SELENOS: variants seen among roughly 807,000 people sequenced by gnomAD.
SELENOS encodes VCP interacting membrane selenoprotein.
In SELENOS, 37 loss-of-function variants were observed where a neutral mutation model predicts 30.2. That is an observed-to-expected ratio of 1.23 (90% CI 0.94 to 1.61). SELENOS has a LOEUF of 1.61. SELENOS is among the 40% of genes most tolerant of loss of function. SELENOS has a pLI of 0.00. For synonymous variants in SELENOS, 119 were observed against 91.6 expected, an observed-to-expected ratio of 1.30 and a Z score of -1.71; for missense variants, 289 against 231.8, an observed-to-expected ratio of 1.25 and a Z score of -1.60.
chr15:101,277,389 G>A lies in SELENOS; in HGVS notation c.29C>T (p.Ala10Val), dbSNP rs776838174. Residue 10 changes from alanine to valine, a missense_variant, in exon 1 of 6, where the codon GCG becomes GTG. Transcript: ENST00000526049. Reference protein sequence around the residue: MERQEESLSARPALETEGLR... With the variant: MERQEESLSVRPALETEGLR... Reference sequence around the variant, plus strand: ...CCCCTCGGTCTCCAGGGCCGGCCGCGCGGACAGAGACTCCTCTTGGCGTTC... The same window carrying A: ...CCCCTCGGTCTCCAGGGCCGGCCGCACGGACAGAGACTCCTCTTGGCGTTC... The A allele has an allele frequency of 1.7e-5, 26 of 1,505,096 alleles. 1 individual carries two copies. In the South Asian group the frequency reaches 1.7e-4, roughly 10 times the overall value. 93.2% of individuals were successfully genotyped at this position (1,505,096 alleles called of 1,614,324 possible).
At chr15:101,276,983 G>A (rs2039335188) in intron 1 of SELENOS, 1 of 531,958 alleles carries the variant, frequency 1.9e-6, no homozygotes, top group African/African-American at 1.9e-5. Context: ...GCCTTTCAGA[G>A]CCACATAGAA....
intron 5 of SELENOS, chr15:101,274,036 C>T (rs772322876): frequency 1.4e-5 from 4 of 276,026 alleles, no homozygotes; most frequent in Non-Finnish European, 2.8e-5. Flanking sequence ...GTGCTGCACA[C>T]AGGAAGCAGC....
intron 2 of SELENOS, among the ~76,000 whole-genome samples, chr15:101,275,831 A>G (rs540732005): frequency 6.6e-6 from 1 of 152,044 alleles, no homozygotes; most frequent in East Asian, 1.9e-4. Context: ...TCCAAATAGC[A>G]TTATGAATAG....
intron 1 of SELENOS, 66 bp from the exon 2 acceptor site, chr15:101,276,741 C>T (rs1567120297): frequency 1.3e-6 from 2 of 1,549,438 alleles, no homozygotes; most frequent in Non-Finnish European, 1.7e-6. Context: ...CCATAAGACT[C>T]AACAAACACA....
At chr15:101,276,823 A>G in intron 1 of SELENOS, 148 bp from the exon 2 acceptor site, 1 of 892,794 alleles carries the variant, frequency 1.1e-6, no homozygotes, top group Non-Finnish European at 1.7e-6. Context: ...GATCGTTAAA[A>G]CACGAACTCA....
intron 5 of SELENOS, among the ~76,000 whole-genome samples, chr15:101,273,272 G>C (rs1296095452): frequency 6.6e-6 from 1 of 152,132 alleles, no homozygotes; most frequent in Non-Finnish European, 1.5e-5. Flanking sequence ...CTACCAGTCA[G>C]AACGGGGTCT....
At chr15:101,273,332 A>G (rs2039290325) in intron 5 of SELENOS, among the ~76,000 whole-genome samples, 1 of 152,060 alleles carries the variant, frequency 6.6e-6, no homozygotes, top group South Asian at 2.1e-4. Context: ...TGAGCTTCCC[A>G]AAGTCAGTGC....
chr15:101,271,040 G>C (rs187723049), downstream of SELENOS: 1 of 152,108 alleles, frequency 6.6e-6, no homozygotes, highest in South Asian at 2.1e-4. Flanking sequence ...ACTTTTTGTC[G>C]TTTATTTCTA....
rs1423565990 is a variant in SELENOS, at chr15:101,276,593, G to C, written c.159C>G (p.Ala53=). The change falls in exon 2 of 6, where the codon GCC becomes GCG. Residue 53 remains alanine, a synonymous_variant. Coordinates refer to ENST00000526049, the MANE Select transcript of SELENOS (RefSeq NM_018445.6). Reference sequence around the variant, plus strand: ...GCCTCTGCCTCAAGGCTCTTAGCCGGGCGGAAAGCTTCTGAAAGACCACGT... The same window carrying C: ...GCCTCTGCCTCAAGGCTCTTAGCCGCGCGGAAAGCTTCTGAAAGACCACGT... The part of the protein sequence containing the change: ...LLYVVFQKLS[A]RLRALRQRQL... The C allele has an allele frequency of 6.2e-7, 1 of 1,613,764 alleles. No homozygotes were observed. Among genetic ancestry groups the C allele is most frequent in the African/African-American group, 1.3e-5 (1 of 74,910 alleles).
At chr15:101,276,363 C>G in intron 2 of SELENOS, 178 bp downstream of exon 2, 1 of 750,494 alleles carries the variant, frequency 1.3e-6, no homozygotes, top group East Asian at 3.2e-5. Flanking sequence ...ATTATCCCGC[C>G]TCAGCCTCCT....
Position 101,277,410 on chromosome 15 carries a change from C to T in SELENOS, c.8G>A (p.Arg3His). ME[R>H]QEESLSARPA... is the part of the protein sequence containing the mutation. ...CCGCGCGGACAGAGACTCCTCTTGG[C>T]GTTCCATGACCGCCGCCGCCGCCGC... The change falls in exon 1 of 6, where the codon CGC becomes CAC. Residue 3 changes from arginine to histidine, a missense_variant. Coordinates refer to ENST00000526049, the MANE Select transcript of SELENOS (RefSeq NM_018445.6). 1.4e-6 allele frequency: 2 copies of T among 1,478,562 alleles called. No individual in the cohort carries two copies. Among genetic ancestry groups the T allele is most frequent in the Non-Finnish European group, 1.8e-6 (2 of 1,122,550 alleles). 91.6% of individuals were successfully genotyped at this position (1,478,562 alleles called of 1,614,324 possible).
downstream of SELENOS, chr15:101,272,121 G>A (rs962998016): frequency 1.3e-5 from 2 of 152,144 alleles, no homozygotes; most frequent in African/African-American, 2.4e-5. Context: ...TCAAAATCAC[G>A]GCAGCTGTCT....
chr15:101,273,183 A>G (rs2039288869), intron 5 of SELENOS, among the ~76,000 whole-genome samples: 1 of 152,146 alleles, frequency 6.6e-6, no homozygotes, highest in African/African-American at 2.4e-5. Context: ...AGTGCTTACT[A>G]AAACTCATAC....
rs2039280820 is a variant in SELENOS, at chr15:101,272,702, G to T, written c.*69C>A. The T allele has an allele frequency of 2.0e-6, 3 of 1,489,894 alleles. No homozygotes were observed. The highest frequency in any genetic ancestry group is 2.8e-6 in the Non-Finnish European group (3 of 1,090,346). 92.3% of individuals were successfully genotyped at this position (1,489,894 alleles called of 1,614,324 possible). On this transcript the variant is annotated 3_prime_UTR_variant, in exon 6 of 6. Transcript: ENST00000526049. ...CTTGGCTAGTCACTGTGAAAAGCGTGCGTAAGGCAATTGAATCGAGGGTTA... is the reference window on the plus strand; with the variant it reads ...CTTGGCTAGTCACTGTGAAAAGCGTTCGTAAGGCAATTGAATCGAGGGTTA...
chr15:101,274,237 C>A (rs2039298487), intron 5 of SELENOS, 183 bp downstream of exon 5: 1 of 682,010 alleles, frequency 1.5e-6, no homozygotes, highest in East Asian at 2.7e-5. Flanking sequence ...TAAGTACAAT[C>A]CTTCTAAGTA....
At chr15:101,274,833 T>C in intron 3 of SELENOS, 152 bp from the exon 4 acceptor site, 1 of 840,278 alleles carries the variant, frequency 1.2e-6, no homozygotes, top group Non-Finnish European at 1.8e-6. Context: ...GATCTGGTAG[T>C]GTGAGTTTAA....
chr15:101,275,325 G>A lies in SELENOS; in HGVS notation c.248C>T (p.Ala83Val), dbSNP rs918388868. ...DVVVKRQEAL[A>V]AARLKMQEEL... The stretch of plus-strand genomic sequence containing the variant: ...TTCTTGCATTTTCAGTCGAGCAGCT[G>A]CTAAAGCTTCTTGTCGTTTAACAAC... The change falls in exon 3 of 6, where the codon GCA (alanine) becomes GTA (valine). Residue 83 changes from alanine to valine, a missense_variant. Physicochemically the swap from Ala to Val is moderately conservative, Grantham distance 64. Transcript: ENST00000526049. The A allele has an allele frequency of 3.2e-6, 5 of 1,581,354 alleles. No homozygotes were observed. In the East Asian group the frequency reaches 9.0e-5, roughly 29 times the overall value.
rs1240587315 is a variant in SELENOS at position 101,272,823 on chromosome 15, G to A, written c.518C>T (p.Ala173Val). 4 of 1,610,300 alleles carry A rather than the reference G, an allele frequency of 2.5e-6. No individual in the cohort carries two copies. The highest frequency in any genetic ancestry group is 2.2e-5 in the South Asian group (2 of 89,992). Residue 173 changes from alanine (A) to valine (V), a missense_variant, in exon 6 of 6, where the codon GCT becomes GTT. Coordinates refer to ENST00000526049, the MANE Select transcript of SELENOS (RefSeq NM_018445.6). ...TCTGCGTCCAGGTCTCCAGGAGCAAGCTCCGCCTCCTTCACCAGACAACGG... is the reference window on the plus strand; with the variant it reads ...TCTGCGTCCAGGTCTCCAGGAGCAAACTCCGCCTCCTTCACCAGACAACGG... ...YNPLSGEGGGACSWRPGRRGP... is the reference protein window; with the variant it reads ...YNPLSGEGGGVCSWRPGRRGP...
chr15:101,270,813 G>A (rs1054065928), downstream of SELENOS: 1 of 152,136 alleles, frequency 6.6e-6, no homozygotes, highest in Non-Finnish European at 1.5e-5. Flanking sequence ...CTCCTGCCAC[G>A]TGGTAAGTGC....
Sources: allele counts gnomAD v4.1 joint callset (sites outside exome capture counted in the v4.1 genomes callset), GRCh38; gene constraint gnomAD v4.1.1; transcripts MANE v1.5; gene names NCBI Gene and HGNC (gene_info 2026-07-23, HGNC 2026-07-21).